ZNF148: variants seen among roughly 807,000 people sequenced by gnomAD.
The protein encoded by ZNF148 is zinc finger protein 148, also known as Beta-Enolase Repressor Factor-1.
In ZNF148, 7 loss-of-function variants were observed where a neutral mutation model predicts 67.7. The ratio of observed to expected loss-of-function variants is 0.10; its 90% CI spans 0.06 to 0.19. The LOEUF is 0.19. Among genes scored for constraint, ZNF148 ranks in the 10% least tolerant of loss-of-function variants. ZNF148 has a pLI of 1.00. For synonymous variants in ZNF148, 333 were observed against 330.7 expected, an observed-to-expected ratio of 1.01 and a Z score of -0.08; for missense variants, 583 against 947.1, an observed-to-expected ratio of 0.62 and a Z score of 5.05.
At chr3:125,355,001 G>C (rs1041986208) in intron 1 of ZNF148, among the ~76,000 whole-genome samples, 1 of 152,184 alleles carries the variant, frequency 6.6e-6, no homozygotes, top group Non-Finnish European at 1.5e-5. Flanking sequence ...AAGAAGTAGA[G>C]GTAATAAGAG....
At chr3:125,334,141 G>A (rs1031645747) in intron 1 of ZNF148, among the ~76,000 whole-genome samples, 3 of 152,142 alleles carry the variant, frequency 2.0e-5, no homozygotes, top group Non-Finnish European at 4.4e-5. Flanking sequence ...TTTTGCAGAA[G>A]TCATTAGCTA....
At chr3:125,257,698 T>C (rs941336766) in intron 7 of ZNF148, among the ~76,000 whole-genome samples, 2 of 152,092 alleles carry the variant, frequency 1.3e-5, no homozygotes, top group Non-Finnish European at 2.9e-5. Context: ...TTCTTTTCCT[T>C]CCCATTTCTC....
At chr3:125,246,788 T>C (rs1936619362) in intron 7 of ZNF148, among the ~76,000 whole-genome samples, 1 of 152,138 alleles carries the variant, frequency 6.6e-6, no homozygotes, top group South Asian at 2.1e-4. Context: ...AGCTGAACAA[T>C]AAACTTGAGA....
chr3:125,313,671 T>C lies in ZNF148; in HGVS notation c.-16-15A>G, dbSNP rs761097134. 1.9e-6 allele frequency: 3 copies of C among 1,576,380 alleles called. No individual in the cohort carries two copies. In the African/African-American group the frequency reaches 4.1e-5, roughly 21 times the overall value. ...AGTATAACTGCCTAGAAAACCAAGT[T>C]TGGCAACAAAACATAGTAAATTAGT... On this transcript the variant is annotated splice_polypyrimidine_tract_variant and intron_variant, in intron 3 of 8. Transcript: ENST00000360647.
intron 7 of ZNF148, among the ~76,000 whole-genome samples, chr3:125,257,625 T>A (rs4450756): frequency 0.78 from 116,275 of 149,794 alleles, 45,743 homozygotes; most frequent in African/African-American, 0.87. Context: ...GATTACGCCA[T>A]TTTCAGACTA....
At chr3:125,239,374 C>A (rs1166745189) in intron 7 of ZNF148, among the ~76,000 whole-genome samples, 12 of 152,132 alleles carry the variant, frequency 7.9e-5, no homozygotes, top group Admixed American at 3.9e-4. Context: ...GATCTGAATG[C>A]GCATTTCTCC....
rs1206184428 is a variant in ZNF148, at chr3:125,229,721, T to A, written c.*2620A>T. 6.6e-6 allele frequency: 1 copy of A among 152,140 alleles called. No homozygotes were observed. The highest frequency in any genetic ancestry group is 1.9e-4 in the East Asian group (1 of 5,188). The allele number at this position is 152,140 out of a possible 1,614,324, so 9.4% of individuals were successfully genotyped here. A position where few individuals can be genotyped will look rare whatever the true frequency, so the allele number is the denominator to read the frequency against. On this transcript the variant is annotated 3_prime_UTR_variant, in exon 9 of 9. Coordinates refer to ENST00000360647, the MANE Select transcript of ZNF148 (RefSeq NM_021964.3). Reference sequence around the variant, plus strand: ...ACATGAATTGCAGAAGAATATCTCATATCCTCCATGTTTCAATCTGAAGCA... The same window carrying A: ...ACATGAATTGCAGAAGAATATCTCAAATCCTCCATGTTTCAATCTGAAGCA...
chr3:125,306,645 C>G (rs1939893813), intron 4 of ZNF148, among the ~76,000 whole-genome samples: 1 of 151,966 alleles, frequency 6.6e-6, no homozygotes, highest in African/African-American at 2.4e-5. Flanking sequence ...CACTTGAGCC[C>G]AGGAGTTCAA....
chr3:125,326,834 A>G (rs912219240), intron 2 of ZNF148, among the ~76,000 whole-genome samples: 2 of 145,382 alleles, frequency 1.4e-5, no homozygotes, highest in Non-Finnish European at 1.5e-5. Context: ...CTTTTTATAT[A>G]TGTATACAGA....
intron 1 of ZNF148, among the ~76,000 whole-genome samples, chr3:125,355,319 A>G (rs1942300445): frequency 6.6e-6 from 1 of 152,176 alleles, no homozygotes; most frequent in South Asian, 2.1e-4. Flanking sequence ...CAACATCAGC[A>G]CTACTGACAT....
chr3:125,268,237 C>CAAAA (rs58334196), intron 7 of ZNF148, among the ~76,000 whole-genome samples: 76 of 136,642 alleles, frequency 5.6e-4, no homozygotes, highest in Middle Eastern at 7.4e-3. Context: ...TATATAGAAC[C>CAAAA]AAAAAAAAAA....
At chr3:125,262,912 T>C (rs929422286) in intron 7 of ZNF148, among the ~76,000 whole-genome samples, 3 of 152,234 alleles carry the variant, frequency 2.0e-5, no homozygotes, top group African/African-American at 7.2e-5. Context: ...AATACTAACA[T>C]GAAAGGCCAT....
In ZNF148 at chr3:125,234,274, A is replaced by G. The variant is rs758743340; in HGVS notation, c.723T>C (p.His241=). The G allele has an allele frequency of 3.5e-5, 57 of 1,611,594 alleles. No individual in the cohort carries two copies. Among genetic ancestry groups the G allele is most frequent in the Non-Finnish European group, 4.6e-5 (54 of 1,178,688 alleles). The change falls in exon 8 of 9, where the codon CAT becomes CAC. Residue 241 remains histidine (H), a synonymous_variant. Coordinates refer to ENST00000360647, the MANE Select transcript of ZNF148 (RefSeq NM_021964.3). ...ECGMRFIQKY[H]MERHKRTHSG... ...TATGAGTTCTCTTATGCCTTTCCAT[A>G]TGATATTTTTGTATGAATCTCATAC...
intron 3 of ZNF148, among the ~76,000 whole-genome samples, chr3:125,321,390 A>G (rs1940763937): frequency 6.7e-6 from 1 of 149,816 alleles, no homozygotes; most frequent in East Asian, 1.9e-4. Context: ...TGACTTTAAA[A>G]ACCTAAAAGC....
At chr3:125,238,189 T>G (rs1201773231) in intron 7 of ZNF148, among the ~76,000 whole-genome samples, 9 of 152,118 alleles carry the variant, frequency 5.9e-5, no homozygotes, top group Non-Finnish European at 4.4e-5. Flanking sequence ...AATGGTAGAA[T>G]ATAATATAGG....
At chr3:125,373,887 T>C (rs1305246959) in intron 1 of ZNF148, among the ~76,000 whole-genome samples, 2 of 152,156 alleles carry the variant, frequency 1.3e-5, no homozygotes, top group Admixed American at 6.5e-5. Context: ...CCCCCGACCA[T>C]TAATTATAAT....
chr3:125,229,220 T>G lies in ZNF148; in HGVS notation c.*3121A>C, dbSNP rs376170408. On this transcript the variant is annotated 3_prime_UTR_variant, in exon 9 of 9. Coordinates refer to ENST00000360647, the MANE Select transcript of ZNF148 (RefSeq NM_021964.3). ...TTTCCCGGCCTTTTTTTTTTTTTTT[T>G]AAACAGCCCTTTAAAAACCCAAATT... 2.4e-5 allele frequency: 3 copies of G among 124,176 alleles called. No individual in the cohort carries two copies. The South Asian group carries it at 7.5e-4, about 31-fold the overall frequency. 7.7% of individuals were successfully genotyped at this position (124,176 alleles called of 1,614,324 possible).
chr3:125,352,359 T>C (rs1052195443), intron 1 of ZNF148, among the ~76,000 whole-genome samples: 3 of 152,176 alleles, frequency 2.0e-5, no homozygotes, highest in South Asian at 4.1e-4. Context: ...AGACTGAAAG[T>C]AGACTAGTAG....
At position 125,313,495 on chromosome 3, in the gene ZNF148, T is replaced by C; in HGVS notation, c.146A>G (p.Asp49Gly). ...GATCTCCTGGTGAGGCATACTTCGA[T>C]CTTGAAGTACTGAATCCTGTAGCTC... Reference protein sequence around the residue: ...SGELQDSVLQDRSMPHQEILA... With the variant: ...SGELQDSVLQGRSMPHQEILA... The change falls in exon 4 of 9, where the codon GAT becomes GGT. Residue 49 changes from aspartate to glycine, a missense_variant. Asp to Gly is a moderately conservative substitution (Grantham distance 94). Around this residue, in one of 5 missense-constraint regions of ZNF148, gnomAD observed 150 missense variants for 202.5 expected, o/e 0.74. Coordinates refer to ENST00000360647, the MANE Select transcript of ZNF148 (RefSeq NM_021964.3). The C allele has an allele frequency of 6.2e-7, 1 of 1,614,154 alleles. No homozygotes were observed. The highest frequency in any genetic ancestry group is 2.2e-5 in the East Asian group (1 of 44,878).
Sources: allele counts gnomAD v4.1 joint callset (sites outside exome capture counted in the v4.1 genomes callset), GRCh38; gene constraint gnomAD v4.1.1; regional missense constraint gnomAD v4.1.1; transcripts MANE v1.5; gene names NCBI Gene and HGNC (gene_info 2026-07-23, HGNC 2026-07-21).